AKT3: variants seen among roughly 807,000 people sequenced by gnomAD.
The protein encoded by AKT3 is RAC-gamma serine/threonine-protein kinase.
AKT3 carries 15 observed loss-of-function variants against 65.3 expected under a neutral mutation model. That is an observed-to-expected ratio of 0.23 (90% CI 0.15 to 0.35). The LOEUF is 0.35. Among genes scored for constraint, AKT3 ranks in the 10% least tolerant of loss-of-function variants. The probability of loss-of-function intolerance (pLI) is 1.00; values close to 1 mark genes in which losing one functional copy is unlikely to be tolerated. For missense variants in AKT3, 243 were observed against 576.5 expected, an observed-to-expected ratio of 0.42 and a Z score of 5.92; for synonymous variants, 206 against 183.8, an observed-to-expected ratio of 1.12 and a Z score of -0.98.
intron 2 of AKT3, among the ~76,000 whole-genome samples, chr1:243,789,138 G>A (rs1332213340): frequency 2.0e-5 from 3 of 152,220 alleles, no homozygotes; most frequent in South Asian, 4.1e-4. Context: ...AGCACTCTGG[G>A]AGGCCAAAGC....
intron 2 of AKT3, among the ~76,000 whole-genome samples, chr1:243,822,496 G>GT (rs1046949198): frequency 6.7e-5 from 10 of 149,828 alleles, no homozygotes; most frequent in African/African-American, 2.4e-4. Flanking sequence ...CCAGGAGCTG[G>GT]TTTTTTTAAA....
chr1:243,586,434 C>T (rs1675812061), intron 8 of AKT3, among the ~76,000 whole-genome samples: 1 of 152,150 alleles, frequency 6.6e-6, no homozygotes, highest in African/African-American at 2.4e-5. Flanking sequence ...ATAAAGTAGA[C>T]ACAGGCACTT....
At chr1:243,608,164 T>TA (rs1437382617) in intron 8 of AKT3, among the ~76,000 whole-genome samples, 1 of 152,232 alleles carries the variant, frequency 6.6e-6, no homozygotes, top group Non-Finnish European at 1.5e-5. Flanking sequence ...ACCTGGGCTA[T>TA]ATGGTATAGC....
At position 243,803,510 on chromosome 1, in the gene AKT3, GA is replaced by G. The variant is rs532243862; in HGVS notation, c.46+39614del. On this transcript the variant is annotated intron_variant, in intron 2 of 13. Coordinates refer to ENST00000673466, the MANE Select transcript of AKT3 (RefSeq NM_005465.7). ...GAAAAGGCTTCCACTGCATCTTTAT[GA>G]AAACATAAACTAAAAAAGTTGTGAA... Among the ~76,000 whole-genome samples, 237 of 152,198 alleles carry G rather than the reference GA, an allele frequency of 1.6e-3. 2 individuals carry two copies. Among genetic ancestry groups the G allele is most frequent in the African/African-American group, 5.5e-3 (229 of 41,522 alleles).
chr1:243,620,253 T>C lies in AKT3; in HGVS notation c.562-5092A>G, dbSNP rs1317650604. On this transcript the variant is annotated intron_variant, in intron 6 of 13. Coordinates refer to ENST00000673466, the MANE Select transcript of AKT3 (RefSeq NM_005465.7). ...CACACAAGACATGCCTCTTCCCCCT[T>C]CCATCATGACTGTAAGTTTCCTGAA... Among the ~76,000 whole-genome samples, 4 of 98,424 alleles carry C rather than the reference T, an allele frequency of 4.1e-5. 2 individuals carry two copies. The highest frequency in any genetic ancestry group is 1.1e-4 in the Non-Finnish European group (4 of 35,284). 64.6% of individuals were successfully genotyped at this position (98,424 alleles called of 152,430 possible).
intron 8 of AKT3, among the ~76,000 whole-genome samples, chr1:243,578,513 C>T (rs1415983870): frequency 6.6e-6 from 1 of 151,994 alleles, no homozygotes; most frequent in East Asian, 1.9e-4. Flanking sequence ...GAGAACACCA[C>T]CACACATTAG....
chr1:243,542,398 T>C (rs1672381189), intron 12 of AKT3, among the ~76,000 whole-genome samples: 1 of 152,216 alleles, frequency 6.6e-6, no homozygotes, highest in African/African-American at 2.4e-5. Context: ...ATCATGCTAC[T>C]TGTAATTAAG....
Position 243,693,262 on chromosome 1 carries a change from A to G in AKT3, c.172+2329T>C, listed in dbSNP as rs1249873090. 9.0e-5 allele frequency among the ~76,000 whole-genome samples: 8 copies of G among 88,734 alleles called. 1 individual carries two copies. Among genetic ancestry groups the G allele is most frequent in the South Asian group, 4.2e-4 (1 of 2,406 alleles). The allele number at this position is 88,734 out of a possible 152,430, so 58.2% of individuals were successfully genotyped here. ...CAATTTGATATATATATATATATAT[A>G]TATATATATATATATATATATATAT... On this transcript the variant is annotated intron_variant, in intron 3 of 13. Transcript: ENST00000673466.
At chr1:243,841,911 T>TAA (rs763153430) in intron 2 of AKT3, among the ~76,000 whole-genome samples, 3 of 152,148 alleles carry the variant, frequency 2.0e-5, no homozygotes, top group Admixed American at 6.5e-5. Flanking sequence ...AAATCAGCCA[T>TAA]AAAAAAACTA....
chr1:243,532,503 A>G (rs1671608561), intron 12 of AKT3, among the ~76,000 whole-genome samples: 1 of 152,188 alleles, frequency 6.6e-6, no homozygotes, highest in Admixed American at 6.5e-5. Context: ...TCCTGGAATA[A>G]ATCTACTTGG....
intron 3 of AKT3, among the ~76,000 whole-genome samples, chr1:243,665,810 A>T (rs1682726889): frequency 6.6e-6 from 1 of 152,164 alleles, no homozygotes; most frequent in South Asian, 2.1e-4. Flanking sequence ...GATAAATGGT[A>T]TTGGACACCA....
Position 243,695,616 on chromosome 1 carries a change from A to G in AKT3, c.147T>C (p.Tyr49=), listed in dbSNP as rs1340313867. The change falls in exon 3 of 14, where the codon TAT becomes TAC. Residue 49 remains tyrosine, a synonymous_variant. Transcript: ENST00000673466. Reference sequence around the variant, plus strand: ...TTGCCACTGAAAAGTTGTTGAGGGGATAAGGTAAATCCACATCTTGAGGTT... The same window carrying G: ...TTGCCACTGAAAAGTTGTTGAGGGGGTAAGGTAAATCCACATCTTGAGGTT... The part of the protein sequence containing the change: ...KEKPQDVDLP[Y]PLNNFSVAKC... 6 of 1,604,260 alleles carry G rather than the reference A, an allele frequency of 3.7e-6. No homozygotes were observed. In the Admixed American group the frequency reaches 8.4e-5, roughly 22 times the overall value.
intron 12 of AKT3, among the ~76,000 whole-genome samples, chr1:243,526,238 G>A (rs910495561): frequency 5.3e-5 from 8 of 152,120 alleles, no homozygotes; most frequent in African/African-American, 1.9e-4. Context: ...GCACAAGCTG[G>A]AGCCCAGGAG....
At chr1:243,580,757 T>C (rs1387930289) in intron 8 of AKT3, among the ~76,000 whole-genome samples, 1 of 152,176 alleles carries the variant, frequency 6.6e-6, no homozygotes, top group Non-Finnish European at 1.5e-5. Flanking sequence ...TCTGTTCTCC[T>C]GAGATTGTGG....
chr1:243,800,515 C>A (rs914068178), intron 2 of AKT3, among the ~76,000 whole-genome samples: 4 of 152,142 alleles, frequency 2.6e-5, no homozygotes, highest in Non-Finnish European at 1.5e-5. Context: ...GTCAAGAGAT[C>A]AAGACCATCC....
chr1:243,489,042 G>T, intron 13 of AKT3: 1 of 1,613,434 alleles, frequency 6.2e-7, no homozygotes. Flanking sequence ...GCACAGCCAG[G>T]CCACAGCCCA....
chr1:243,651,666 C>T (rs1681342285), intron 4 of AKT3, among the ~76,000 whole-genome samples: 1 of 152,024 alleles, frequency 6.6e-6, no homozygotes, highest in Non-Finnish European at 1.5e-5. Flanking sequence ...TGGTTTTTGT[C>T]ATTGGTTCTG....
chr1:243,629,828 G>A (rs934286164), intron 6 of AKT3, among the ~76,000 whole-genome samples: 9 of 152,104 alleles, frequency 5.9e-5, no homozygotes, highest in Non-Finnish European at 1.2e-4. Flanking sequence ...GAGATATGCA[G>A]CAATGCAGAC....
At chr1:243,826,526 T>C (rs1385435272) in intron 2 of AKT3, among the ~76,000 whole-genome samples, 3 of 152,182 alleles carry the variant, frequency 2.0e-5, no homozygotes, top group Non-Finnish European at 4.4e-5. Flanking sequence ...ATTCCTAATA[T>C]AAGGGACAGT....
Sources: gnomAD v4.1 joint callset for allele counts (sites outside exome capture counted in the v4.1 genomes callset) on GRCh38, gnomAD v4.1.1 for gene constraint, MANE v1.5 for transcripts, NCBI Gene and HGNC (gene_info 2026-07-23, HGNC 2026-07-21) for gene names.